Variants in SCAPER observed in about 807,000 individuals in gnomAD.
The protein encoded by SCAPER is S-phase cyclin A associated protein in the ER, also known as S phase cyclin A-associated protein in the endoplasmic reticulum.
Under a neutral mutation model 182.2 loss-of-function variants are expected in SCAPER, and 98 were observed. The ratio of observed to expected loss-of-function variants is 0.54; its 90% confidence interval spans 0.46 to 0.64. The LOEUF (loss-of-function observed/expected upper bound fraction) is 0.64, where lower values mean the gene tolerates loss of function less well. Ranked by LOEUF, SCAPER falls within the 30% of genes least tolerant of loss-of-function variation. The probability of loss-of-function intolerance (pLI) is 0.00; values close to 1 mark genes in which losing one functional copy is unlikely to be tolerated. For missense variants in SCAPER, 1,432 were observed against 1,690.0 expected (o/e 0.85, Z 2.68); for synonymous variants, 605 against 564.6 (o/e 1.07, Z -1.01).
intron 27 of SCAPER, among the ~76,000 whole-genome samples, chr15:76,382,511 G>C (rs2043016609): frequency 6.6e-6 from 1 of 151,904 alleles, no homozygotes; most frequent in South Asian, 2.1e-4. Context: ...TCTGAATTAA[G>C]GTATATGTGA....
In SCAPER at chr15:76,383,101, TAA is replaced by T. The variant is rs1467460115; in HGVS notation, c.3468-1488_3468-1487del. Among the ~76,000 whole-genome samples, 29 of 11,924 alleles carry T rather than the reference TAA, an allele frequency of 2.4e-3. No individual in the cohort carries two copies. In the South Asian group the frequency reaches 0.039, roughly 16 times the overall value. 7.8% of individuals were successfully genotyped at this position (11,924 alleles called of 152,430 possible). On this transcript the variant is annotated intron_variant, in intron 27 of 31. Coordinates refer to ENST00000563290, the MANE Select transcript of SCAPER (RefSeq NM_020843.4). ...GTGTGTATAGGTGTGTGTGTGTGTG[TAA>T]ATACACACACACACACCTACACACA...
chr15:76,784,240 AACAG>A (rs1171110822), intron 8 of SCAPER, among the ~76,000 whole-genome samples: 2 of 150,874 alleles, frequency 1.3e-5, no homozygotes, highest in African/African-American at 4.9e-5. Flanking sequence ...ATACACCAAT[AACAG>A]ACAAACAGAG....
chr15:76,431,676 C>CAAAAAAAAAAAAAAAAAAAAAAAAAA (rs60675828), intron 26 of SCAPER, among the ~76,000 whole-genome samples: 9 of 47,124 alleles, frequency 1.9e-4, no homozygotes, highest in African/African-American at 4.9e-4. Context: ...AAATGATTAG[C>CAAAAAAAAAAAAAAAAAAAAAAAAAA]AAAAAAAAAA....
Position 76,765,658 on chromosome 15 carries a change from G to T in SCAPER, c.1420-20C>A. 3 of 1,547,982 alleles carry T rather than the reference G, an allele frequency of 1.9e-6. No individual in the cohort carries two copies. Among genetic ancestry groups the T allele is most frequent in the Non-Finnish European group, 2.6e-6 (3 of 1,140,130 alleles). On this transcript the variant is annotated intron_variant, in intron 11 of 31. Coordinates refer to ENST00000563290, the MANE Select transcript of SCAPER (RefSeq NM_020843.4). ...GCTGGCCTAAAATGTAATAAGGGAA[G>T]TTGAAAATCAAATCTTTGAACACAA...
chr15:76,367,309 A>G (rs1000393506), intron 29 of SCAPER, among the ~76,000 whole-genome samples: 7 of 152,182 alleles, frequency 4.6e-5, no homozygotes, highest in Admixed American at 1.3e-4. Context: ...AAAATCTCCT[A>G]TCTCAGGAGA....
chr15:76,601,312 T>C (rs574414287), intron 22 of SCAPER, among the ~76,000 whole-genome samples: 1 of 122,282 alleles, frequency 8.2e-6, no homozygotes, highest in East Asian at 2.2e-4. Context: ...ATTACAGTCA[T>C]ATGCTGTATA....
At chr15:76,661,668 A>G (rs1287131327) in intron 21 of SCAPER, among the ~76,000 whole-genome samples, 2 of 152,170 alleles carry the variant, frequency 1.3e-5, no homozygotes, top group African/African-American at 4.8e-5. Context: ...GATTACTAAT[A>G]AGTCAAGAAA....
chr15:76,763,050 G>C (rs1156953684), intron 14 of SCAPER, among the ~76,000 whole-genome samples: 1 of 152,052 alleles, frequency 6.6e-6, no homozygotes, highest in Admixed American at 6.6e-5. Context: ...TTACTCCTGA[G>C]CTTTACATAC....
intron 22 of SCAPER, among the ~76,000 whole-genome samples, chr15:76,583,382 C>T (rs2048407870): frequency 6.6e-6 from 1 of 151,132 alleles, no homozygotes; most frequent in Non-Finnish European, 1.5e-5. Flanking sequence ...GAGTGTAATC[C>T]CATAAGCATG....
At position 76,862,519 on chromosome 15, in the gene SCAPER, G is replaced by A. The variant is rs376284745; in HGVS notation, c.21C>T (p.Arg7=). 1.9e-6 allele frequency: 3 copies of A among 1,610,490 alleles called. No homozygotes were observed. In the Admixed American group the frequency reaches 5.0e-5, roughly 27 times the overall value. The part of the protein sequence containing the change: MMASFQ[R]SNSHDKVRRI... ...TCCTTACTTTGTCATGACTATTGGA[G>A]CGCTGGAATGAAGCCTATGTATGGA... is the stretch of plus-strand genomic sequence containing the variant. The change falls in exon 3 of 32, where the codon CGC becomes CGT. Residue 7 remains arginine (R), a synonymous_variant. Coordinates refer to ENST00000563290, the MANE Select transcript of SCAPER (RefSeq NM_020843.4).
In SCAPER at chr15:76,355,802, T is replaced by C. The variant is rs2469555; in HGVS notation, c.3856-1662A>G. 7.2e-3 allele frequency among the ~76,000 whole-genome samples: 1,102 copies of C among 152,330 alleles called. 14 individuals carry two copies. Among genetic ancestry groups the C allele is most frequent in the African/African-American group, 0.024 (1,014 of 41,572 alleles). ...TGAGGCAGAGCCCCTTAGGGACCTGTTGGTTCCCTCAAGGAACAGAGCTAG... is the reference window on the plus strand; with the variant it reads ...TGAGGCAGAGCCCCTTAGGGACCTGCTGGTTCCCTCAAGGAACAGAGCTAG... On this transcript the variant is annotated intron_variant, in intron 29 of 31. Transcript: ENST00000563290.
chr15:76,821,931 T>C (rs963796736), intron 5 of SCAPER, among the ~76,000 whole-genome samples: 6 of 151,872 alleles, frequency 4.0e-5, no homozygotes, highest in African/African-American at 1.5e-4. Flanking sequence ...TGATTCCAAC[T>C]ATACAACATT....
intron 21 of SCAPER, among the ~76,000 whole-genome samples, chr15:76,636,123 G>A (rs4617824): frequency 3.9e-5 from 6 of 152,148 alleles, no homozygotes; most frequent in Non-Finnish European, 7.3e-5. Context: ...CTGTTTATCA[G>A]GGAATGTAGT....
intron 15 of SCAPER, among the ~76,000 whole-genome samples, chr15:76,745,868 C>A (rs2151142528): frequency 6.6e-6 from 1 of 152,268 alleles, no homozygotes; most frequent in East Asian, 1.9e-4. Context: ...CCAGAAAGAT[C>A]TGGATTTAAT....
chr15:76,552,238 G>A (rs913368026), intron 23 of SCAPER, among the ~76,000 whole-genome samples: 6 of 152,062 alleles, frequency 3.9e-5, no homozygotes, highest in South Asian at 2.1e-4. Context: ...AGCTGACTGC[G>A]TCACTGCACT....
chr15:76,664,623 A>G (rs753711201), intron 21 of SCAPER, among the ~76,000 whole-genome samples: 1 of 152,168 alleles, frequency 6.6e-6, no homozygotes, highest in Admixed American at 6.6e-5. Flanking sequence ...GAATGTGAAC[A>G]TTAAAAATAG....
rs181160604 is a variant in SCAPER, at chr15:76,701,295, G to T, written c.2508+463C>A. ...CTATATCATCCAAGTTTCAAAAAGA[G>T]TTAAATGAAAAATATTCATATACAT... is the stretch of plus-strand genomic sequence containing the variant. On this transcript the variant is annotated intron_variant, in intron 20 of 31. Coordinates refer to ENST00000563290, the MANE Select transcript of SCAPER (RefSeq NM_020843.4). Among the ~76,000 whole-genome samples, 481 of 152,160 alleles carry T rather than the reference G, an allele frequency of 3.2e-3. 3 individuals carry two copies. Among genetic ancestry groups the T allele is most frequent in the South Asian group, 0.016 (75 of 4,814 alleles).
At chr15:76,773,334 A>G (rs1385599080) in intron 9 of SCAPER, among the ~76,000 whole-genome samples, 1 of 151,910 alleles carries the variant, frequency 6.6e-6, no homozygotes, top group Non-Finnish European at 1.5e-5. Context: ...TACTTGTCAA[A>G]AAGTTCTATG....
chr15:76,539,026 T>G (rs2044475318), intron 23 of SCAPER, among the ~76,000 whole-genome samples: 1 of 151,870 alleles, frequency 6.6e-6, no homozygotes, highest in African/African-American at 2.4e-5. Context: ...CTACAATAAT[T>G]ATGTAACTTA....
Sources: gnomAD v4.1 joint callset for allele counts (sites outside exome capture counted in the v4.1 genomes callset) on GRCh38, gnomAD v4.1.1 for gene constraint, MANE v1.5 for transcripts, NCBI Gene and HGNC (gene_info 2026-07-23, HGNC 2026-07-21) for gene names.